CNTNAP2: variants seen among roughly 807,000 people sequenced by gnomAD.
CNTNAP2 encodes the protein contactin-associated protein-like 2.
In CNTNAP2, 98 loss-of-function variants were observed where a neutral mutation model predicts 155.2. The ratio of observed to expected loss-of-function variants is 0.63; its 90% CI spans 0.54 to 0.75. CNTNAP2 has a LOEUF of 0.75. Ranked by LOEUF, CNTNAP2 falls within the 30% of genes least tolerant of loss-of-function variation. The pLI is 0.00. For missense variants in CNTNAP2, 1,727 were observed against 1,688.1 expected, an observed-to-expected ratio of 1.02 and a Z score of -0.40; for synonymous variants, 651 against 631.2, an observed-to-expected ratio of 1.03 and a Z score of -0.47.
intron 15 of CNTNAP2, among the ~76,000 whole-genome samples, chr7:148,028,525 A>G (rs564547121): frequency 2.0e-5 from 3 of 152,344 alleles, no homozygotes; most frequent in African/African-American, 7.2e-5. Flanking sequence ...GCAGTGAGCC[A>G]TGATTGTGTC....
At chr7:146,640,253 T>G (rs1198120776) in intron 1 of CNTNAP2, among the ~76,000 whole-genome samples, 2 of 152,256 alleles carry the variant, frequency 1.3e-5, no homozygotes, top group Non-Finnish European at 2.9e-5. Context: ...TACAAAGGAA[T>G]TATACTGAAC....
intron 13 of CNTNAP2, among the ~76,000 whole-genome samples, chr7:147,644,970 C>A (rs888728954): frequency 3.3e-5 from 5 of 151,872 alleles, no homozygotes; most frequent in African/African-American, 1.2e-4. Flanking sequence ...TTGTTGGTTT[C>A]CAGTGTTTTT....
At chr7:147,016,140 T>G (rs1003549354) in intron 3 of CNTNAP2, among the ~76,000 whole-genome samples, 5 of 152,028 alleles carry the variant, frequency 3.3e-5, no homozygotes, top group Non-Finnish European at 7.4e-5. Context: ...TTCAAAAACT[T>G]TCTGACACAT....
intron 5 of CNTNAP2, among the ~76,000 whole-genome samples, chr7:147,118,884 A>C (rs888507358): frequency 6.6e-6 from 1 of 152,158 alleles, no homozygotes; most frequent in Non-Finnish European, 1.5e-5. Context: ...AAATAGACCA[A>C]ATTATTTTTA....
chr7:146,763,155 T>G (rs986835059), intron 1 of CNTNAP2, among the ~76,000 whole-genome samples: 1 of 152,156 alleles, frequency 6.6e-6, no homozygotes, highest in African/African-American at 2.4e-5. Flanking sequence ...TCCGTCCTGT[T>G]TACCTCATGC....
intron 15 of CNTNAP2, among the ~76,000 whole-genome samples, chr7:148,090,737 C>T (rs1803821997): frequency 6.6e-6 from 1 of 152,066 alleles, no homozygotes; most frequent in Admixed American, 6.6e-5. Context: ...CCAGCAATCC[C>T]ACTATTGGCT....
intron 8 of CNTNAP2, among the ~76,000 whole-genome samples, chr7:147,273,144 C>G (rs1804798132): frequency 6.6e-6 from 1 of 152,070 alleles, no homozygotes; most frequent in Non-Finnish European, 1.5e-5. Context: ...GCAGAAGCCC[C>G]CAGCACTGAG....
intron 1 of CNTNAP2, among the ~76,000 whole-genome samples, chr7:146,559,831 G>C (rs1222750317): frequency 7.9e-6 from 1 of 126,628 alleles, no homozygotes; most frequent in Admixed American, 7.7e-5. Flanking sequence ...GATGAATGCT[G>C]TTGTCATTTA....
chr7:146,176,653 C>A (rs1478998808), intron 1 of CNTNAP2, among the ~76,000 whole-genome samples: 2 of 152,066 alleles, frequency 1.3e-5, no homozygotes, highest in South Asian at 4.1e-4. Flanking sequence ...CTACTATGCA[C>A]CAAGCATTGT....
intron 1 of CNTNAP2, among the ~76,000 whole-genome samples, chr7:146,772,978 C>T (rs1802323058): frequency 3.3e-5 from 5 of 152,124 alleles, no homozygotes. Flanking sequence ...TAACAGTGAT[C>T]TCTGGAAGCT....
Position 146,218,104 on chromosome 7 carries a change from G to C in CNTNAP2, c.97+101131G>C, listed in dbSNP as rs189983936. ...ACCTCTGTTTTTAGTCATAGAATCT[G>C]AATGGAAGCAGCCACTGCCCTCATC... On this transcript the variant is annotated intron_variant, in intron 1 of 23. Transcript: ENST00000361727. Among the ~76,000 whole-genome samples, 844 of 152,288 alleles carry C rather than the reference G, an allele frequency of 5.5e-3. 6 individuals are homozygous for C. Among genetic ancestry groups the C allele is most frequent in the Non-Finnish European group, 8.7e-3 (594 of 68,024 alleles).
intron 3 of CNTNAP2, among the ~76,000 whole-genome samples, chr7:146,913,121 G>A (rs1466524977): frequency 6.6e-6 from 1 of 152,202 alleles, no homozygotes; most frequent in African/African-American, 2.4e-5. Flanking sequence ...GAGAAAGAGG[G>A]CCTGAACCTC....
At chr7:146,611,002 G>A (rs347201) in intron 1 of CNTNAP2, among the ~76,000 whole-genome samples, 99,246 of 152,152 alleles carry the variant, frequency 0.65, 33,807 homozygotes, top group African/African-American at 0.82. Context: ...AAGAGCATCA[G>A]AAATGGAAGC....
intron 1 of CNTNAP2, among the ~76,000 whole-genome samples, chr7:146,558,059 A>G (rs1187430560): frequency 6.6e-6 from 1 of 152,184 alleles, no homozygotes; most frequent in Non-Finnish European, 1.5e-5. Context: ...CGGGCATGAC[A>G]GTTTCACTTA....
chr7:146,711,718 A>G (rs1484612632), intron 1 of CNTNAP2, among the ~76,000 whole-genome samples: 1 of 144,608 alleles, frequency 6.9e-6, no homozygotes, highest in African/African-American at 2.4e-5. Context: ...TATATAGTAT[A>G]CACATCTTAT....
chr7:147,621,913 G>C lies in CNTNAP2; in HGVS notation c.1898-17193G>C, dbSNP rs1020221931. Among the ~76,000 whole-genome samples the C allele has an allele frequency of 4.6e-5, 7 of 151,966 alleles. No homozygotes were observed. In the East Asian group the frequency reaches 1.2e-3, roughly 25 times the overall value. On this transcript the variant is annotated intron_variant, in intron 12 of 23. Transcript: ENST00000361727. ...CACTTCACCTATAAAGAGACACATA[G>C]ACTGAAAAATAAAGGGATGGAAAAA...
chr7:146,142,375 G>A (rs1797893604), intron 1 of CNTNAP2, among the ~76,000 whole-genome samples: 2 of 152,108 alleles, frequency 1.3e-5, no homozygotes, highest in South Asian at 4.1e-4. Context: ...CCTTCAGTGA[G>A]GCATCTTTGT....
At chr7:148,268,021 C>T in intron 21 of CNTNAP2, among the ~76,000 whole-genome samples, 1 of 152,166 alleles carries the variant, frequency 6.6e-6, no homozygotes, top group East Asian at 1.9e-4. Context: ...TCTCCTTGTC[C>T]CTCTCTTCAC....
intron 8 of CNTNAP2, among the ~76,000 whole-genome samples, chr7:147,193,876 A>C (rs1288500449): frequency 6.6e-6 from 1 of 152,172 alleles, no homozygotes; most frequent in Non-Finnish European, 1.5e-5. Context: ...TGAGAGTTAG[A>C]AATCTCATAA....
Sources: gnomAD v4.1 joint callset for allele counts (sites outside exome capture counted in the v4.1 genomes callset) on GRCh38, gnomAD v4.1.1 for gene constraint, MANE v1.5 for transcripts, NCBI Gene and HGNC (gene_info 2026-07-23, HGNC 2026-07-21) for gene names.